The following DGKA variants were observed in gnomAD, a reference collection of about 807,000 sequenced individuals.
DGKA encodes diacylglycerol kinase alpha, also known as 80 kDa diacylglycerol kinase.
Under a neutral mutation model 105.0 loss-of-function variants are expected in DGKA, and 35 were observed. That is an observed-to-expected ratio of 0.33 (90% CI 0.25 to 0.44). The LOEUF is 0.44. Among genes scored for constraint, DGKA ranks in the 20% least tolerant of loss-of-function variants. DGKA has a pLI of 1.00. For synonymous variants in DGKA, 296 were observed against 332.0 expected (o/e 0.89, Z 1.18); for missense variants, 665 against 915.0 (o/e 0.73, Z 3.53).
intron 17 of DGKA, 100 bp downstream of exon 17, chr12:55,942,363 G>A: frequency 2.6e-6 from 3 of 1,161,962 alleles, no homozygotes; most frequent in Non-Finnish European, 3.8e-6. Context: ...GGAAAGGATT[G>A]GGGAAGAAGA....
chr12:55,943,102 T>C (rs1428199588), intron 17 of DGKA, among the ~76,000 whole-genome samples: 1 of 152,168 alleles, frequency 6.6e-6, no homozygotes, highest in Non-Finnish European at 1.5e-5. Context: ...TTTAATTTTA[T>C]CCTGTCAGAG....
intron 5 of DGKA, 168 bp downstream of exon 5, chr12:55,938,220 T>C: frequency 5.7e-6 from 4 of 696,962 alleles, no homozygotes; most frequent in Non-Finnish European, 7.3e-6. Flanking sequence ...TATTTATACC[T>C]AATACCCTTC....
Position 55,952,249 on chromosome 12 carries a change from G to A in DGKA, c.1653-92G>A. 1 of 1,500,006 alleles carries A rather than the reference G, an allele frequency of 6.7e-7. No homozygotes were observed. Among genetic ancestry groups the A allele is most frequent in the Non-Finnish European group, 9.3e-7 (1 of 1,077,202 alleles). The allele number at this position is 1,500,006 out of a possible 1,614,324, so 92.9% of individuals were successfully genotyped here. On this transcript the variant is annotated intron_variant, in intron 19 of 23. Coordinates refer to ENST00000331886, the MANE Select transcript of DGKA (RefSeq NM_001345.5). The surrounding 1 kb of genome is among the most constrained non-coding windows in gnomAD (Gnocchi z 5.1). ...CTTGTTCCCCATGGGACTAAAGTTA[G>A]GAGGTTGATGCCCTTCCCTGTCACG...
At chr12:55,927,902 C>A (rs536925897), upstream of DGKA, 11 of 1,109,132 alleles carry the variant, frequency 9.9e-6, no homozygotes, top group South Asian at 7.9e-5. Flanking sequence ...AGTGCCTCCT[C>A]GGGCTGGGCC....
chr12:55,941,067 G>C, intron 13 of DGKA, 87 bp downstream of exon 13: 1 of 1,455,672 alleles, frequency 6.9e-7, no homozygotes, highest in South Asian at 1.2e-5. Flanking sequence ...GGAGAGCCTG[G>C]TGGGGAGCGG....
chr12:55,935,562 C>T (rs1884465766), intron 1 of DGKA: 1 of 152,212 alleles, frequency 6.6e-6, no homozygotes, highest in South Asian at 2.1e-4. Context: ...TCGGCTCCAT[C>T]GTCCCAGGAC....
At chr12:55,948,828 C>G (rs1237374840) in intron 17 of DGKA, among the ~76,000 whole-genome samples, 2 of 152,006 alleles carry the variant, frequency 1.3e-5, no homozygotes, top group Non-Finnish European at 2.9e-5. Context: ...TCGAGACCAT[C>G]CTGGCTAACA....
chr12:55,950,793 C>G (rs1017115417), intron 17 of DGKA, among the ~76,000 whole-genome samples: 5 of 151,974 alleles, frequency 3.3e-5, no homozygotes, highest in African/African-American at 1.2e-4. Context: ...AGGCTGGTCT[C>G]GAACTCCTGG....
In DGKA at chr12:55,943,700, G is replaced by A. The variant is rs1006099066; in HGVS notation, c.1426+1437G>A. On this transcript the variant is annotated intron_variant, in intron 17 of 23. Coordinates refer to ENST00000331886, the MANE Select transcript of DGKA (RefSeq NM_001345.5). ...AACAAGCAGCAGTGAGGGGGAACTC[G>A]ATGTAAGTAAAAGATGTAACTAAAA... 1.4e-4 allele frequency among the ~76,000 whole-genome samples: 21 copies of A among 151,478 alleles called. 1 individual carries two copies. Among genetic ancestry groups the A allele is most frequent in the Non-Finnish European group, 7.4e-5 (5 of 67,930 alleles).
upstream of DGKA, chr12:55,927,464 G>A (rs1228894038): frequency 8.7e-6 from 6 of 692,878 alleles, no homozygotes; most frequent in Non-Finnish European, 1.5e-5. Context: ...CCCAAAAAGG[G>A]GGCCTTATAA....
intron 17 of DGKA, among the ~76,000 whole-genome samples, chr12:55,943,031 G>C (rs1040836748): frequency 6.6e-6 from 1 of 152,100 alleles, no homozygotes; most frequent in Non-Finnish European, 1.5e-5. Context: ...AATGTGGAGA[G>C]GGAAGACTAG....
chr12:55,932,777 T>C lies in DGKA; in HGVS notation c.-82+1433T>C. ...CCAGGTGTAGCACTGCAGTCTTCAG[T>C]GTTTGTGGAGGCTTAATAAGTTTTG... On this transcript the variant is annotated intron_variant, in intron 1 of 23. Transcript: ENST00000331886. This position sits in a 1 kb window ranked among gnomAD's most constrained non-coding sequence, Gnocchi z 4.3. The C allele has an allele frequency of 3.5e-6, 2 of 574,828 alleles. 1 individual carries two copies. Among genetic ancestry groups the C allele is most frequent in the South Asian group, 4.1e-5 (2 of 48,404 alleles). The allele number at this position is 574,828 out of a possible 1,614,324, so 35.6% of individuals were successfully genotyped here.
rs371496917 is a variant in DGKA, at chr12:55,939,917, T to C, written c.710-165T>C. The stretch of plus-strand genomic sequence containing the variant: ...GCAGCTGATCTTTTAGGAGGAAGAG[T>C]AAGGAAAAGGCGTGGGTTTTGGAGG... On this transcript the variant is annotated intron_variant, in intron 9 of 23. Coordinates refer to ENST00000331886, the MANE Select transcript of DGKA (RefSeq NM_001345.5). The C allele has an allele frequency of 2.0e-4, 130 of 639,428 alleles. No homozygotes were observed. The African/African-American group carries it at 2.1e-3, about 10-fold the overall frequency. The allele number at this position is 639,428 out of a possible 1,614,324, so 39.6% of individuals were successfully genotyped here.
chr12:55,953,889 C>T lies in DGKA; in HGVS notation c.*121C>T. On this transcript the variant is annotated 3_prime_UTR_variant, in exon 24 of 24. Coordinates refer to ENST00000331886, the MANE Select transcript of DGKA (RefSeq NM_001345.5). ...GCCAGCTTGGGGGAGTGTTCCTTCA[C>T]CCTCACAGTATTTATTATCCTGCAC... 1 of 841,496 alleles carries T rather than the reference C, an allele frequency of 1.2e-6. No homozygotes were observed. The highest frequency in any genetic ancestry group is 1.9e-6 in the Non-Finnish European group (1 of 520,116). 52.1% of individuals were successfully genotyped at this position (841,496 alleles called of 1,614,324 possible). A position where few individuals can be genotyped will look rare whatever the true frequency, so the allele number is the denominator to read the frequency against.
Position 55,952,843 on chromosome 12 carries a change from C to T in DGKA, c.1853C>T (p.Pro618Leu), listed in dbSNP as rs745481200. The change falls in exon 21 of 24, where the codon CCC becomes CTC. Residue 618 changes from proline (P) to leucine (L), a missense_variant. Pro to Leu is a moderately conservative substitution (Grantham distance 98, BLOSUM62 -3). Coordinates refer to ENST00000331886, the MANE Select transcript of DGKA (RefSeq NM_001345.5). The surrounding 1 kb of genome is among the most constrained non-coding windows in gnomAD (Gnocchi z 5.1). ...GSNLWGDTRR[P>L]HGDIYGINQA... ...AACCTCTGGGGTGATACCAGGAGACCCCATGGGGATATCTATGGGATCAAC... is the reference window on the plus strand; with the variant it reads ...AACCTCTGGGGTGATACCAGGAGACTCCATGGGGATATCTATGGGATCAAC... The T allele has an allele frequency of 5.0e-6, 8 of 1,613,994 alleles. No individual in the cohort carries two copies. In the South Asian group the frequency reaches 8.8e-5, roughly 18 times the overall value.
chr12:55,953,221 C>A (rs1888512198), intron 22 of DGKA, 61 bp downstream of exon 22: 1 of 1,612,160 alleles, frequency 6.2e-7, no homozygotes, highest in African/African-American at 1.3e-5. Flanking sequence ...GCAGAAGGGT[C>A]ATGGGAATGG....
At chr12:55,941,390 T>C (rs1191891363) in intron 14 of DGKA, 65 bp downstream of exon 14, 1 of 1,588,990 alleles carries the variant, frequency 6.3e-7, no homozygotes, top group African/African-American at 1.3e-5. Context: ...ACTTAGAAGG[T>C]GGAAGGGGAT....
intron 17 of DGKA, among the ~76,000 whole-genome samples, chr12:55,947,216 C>T (rs550346740): frequency 1.3e-5 from 2 of 152,186 alleles, no homozygotes; most frequent in East Asian, 3.9e-4. Context: ...AACTCCTGAC[C>T]TCAGGTGATC....
intron 2 of DGKA, 190 bp from the exon 3 acceptor site, chr12:55,936,827 C>T: frequency 2.5e-6 from 2 of 803,506 alleles, no homozygotes; most frequent in Non-Finnish European, 4.3e-6. Context: ...ACTGCTTGCT[C>T]CAGCTCTCAG....
Sources: allele counts gnomAD v4.1 joint callset (sites outside exome capture counted in the v4.1 genomes callset), GRCh38; gene constraint gnomAD v4.1.1; non-coding constraint Gnocchi (gnomAD v3.1); transcripts MANE v1.5; gene names NCBI Gene and HGNC (gene_info 2026-07-23, HGNC 2026-07-21).